Variants in LARP4 observed in about 807,000 individuals in gnomAD.
LARP4 encodes the protein la-related protein 4.
Under a neutral mutation model 92.9 loss-of-function variants are expected in LARP4, and 29 were observed. The ratio of observed to expected loss-of-function variants is 0.31; its 90% CI spans 0.23 to 0.43. LARP4 has a LOEUF of 0.43. Ranked by LOEUF, LARP4 falls within the 20% of genes least tolerant of loss-of-function variation. LARP4 has a pLI of 1.00. For missense variants in LARP4, 732 were observed against 860.0 expected, an observed-to-expected ratio of 0.85 and a Z score of 1.86; for synonymous variants, 279 against 284.1, an observed-to-expected ratio of 0.98 and a Z score of 0.18.
intron 10 of LARP4, among the ~76,000 whole-genome samples, chr12:50,455,901 G>T (rs558349836): frequency 2.6e-4 from 39 of 152,000 alleles, no homozygotes; most frequent in Non-Finnish European, 5.3e-4. Flanking sequence ...ACAAAAATTA[G>T]CTGGGCGTGG....
At chr12:50,440,596 T>C in intron 7 of LARP4, 47 bp downstream of exon 7, 1 of 1,211,952 alleles carries the variant, frequency 8.3e-7, no homozygotes, top group Non-Finnish European at 1.2e-6. Context: ...AGTGGCAAAA[T>C]AAGTAGTGGT....
intron 1 of LARP4, among the ~76,000 whole-genome samples, chr12:50,409,808 A>ATTT (rs555627639): frequency 4.0e-5 from 6 of 149,932 alleles, no homozygotes; most frequent in Non-Finnish European, 7.4e-5. Flanking sequence ...TATTATTATT[A>ATTT]TTTTTTTAAG....
intron 1 of LARP4, among the ~76,000 whole-genome samples, chr12:50,407,959 C>A (rs1365606249): frequency 1.3e-5 from 2 of 152,106 alleles, no homozygotes; most frequent in Non-Finnish European, 2.9e-5. Flanking sequence ...ACTCATCTTT[C>A]CTGTCTTACC....
At chr12:50,401,611 G>A (rs1213625034) in intron 1 of LARP4, among the ~76,000 whole-genome samples, 2 of 152,230 alleles carry the variant, frequency 1.3e-5, no homozygotes, top group South Asian at 2.1e-4. Flanking sequence ...GGAGAAGCCA[G>A]TAGGGTTTGG....
chr12:50,422,097 G>T (rs1293382999), intron 1 of LARP4, among the ~76,000 whole-genome samples: 1 of 151,816 alleles, frequency 6.6e-6, no homozygotes, highest in African/African-American at 2.4e-5. Flanking sequence ...AGCCTCCTGA[G>T]TAGCTGGGAC....
At chr12:50,467,225 T>C (rs959155377) in intron 13 of LARP4, 105 bp downstream of exon 13, 5 of 826,702 alleles carry the variant, frequency 6.0e-6, no homozygotes, top group Middle Eastern at 3.3e-4. Flanking sequence ...ATTTCTATCA[T>C]AGTTTTTATT....
rs1371975248 is a variant in LARP4 at position 50,460,717 on chromosome 12, T to C, written c.1122-418T>C. Among the ~76,000 whole-genome samples, 6 of 152,142 alleles carry C rather than the reference T, an allele frequency of 3.9e-5. No homozygotes were observed. In the East Asian group the frequency reaches 1.2e-3, roughly 30 times the overall value. ...GCACTTTGGGAGGCCAAGGCAGGCA[T>C]ATCACAAGGTCAGGAGATCGAGACC... On this transcript the variant is annotated intron_variant, in intron 10 of 15. Coordinates refer to ENST00000398473, the MANE Select transcript of LARP4 (RefSeq NM_052879.5).
intron 1 of LARP4, among the ~76,000 whole-genome samples, chr12:50,405,320 A>G (rs947900739): frequency 2.0e-5 from 3 of 152,124 alleles, no homozygotes; most frequent in South Asian, 2.1e-4. Context: ...TTTTACAACA[A>G]ATTGTTTGTA....
At chr12:50,447,858 T>TCC (rs146185573) in intron 8 of LARP4, among the ~76,000 whole-genome samples, 1 of 150,822 alleles carries the variant, frequency 6.6e-6, no homozygotes, top group South Asian at 2.1e-4. Flanking sequence ...TCCGCACCAC[T>TCC]CCCCCCCCAT....
chr12:50,468,089 C>T (rs1294905023), intron 13 of LARP4, among the ~76,000 whole-genome samples: 2 of 151,886 alleles, frequency 1.3e-5, no homozygotes, highest in South Asian at 2.1e-4. Flanking sequence ...AAGCAGTTCT[C>T]CTCCCTCAGC....
chr12:50,463,156 G>C lies in LARP4; in HGVS notation c.1383+526G>C, dbSNP rs529831120. Among the ~76,000 whole-genome samples, 606 of 151,786 alleles carry C rather than the reference G, an allele frequency of 4.0e-3. 3 individuals are homozygous for C. The highest frequency in any genetic ancestry group is 6.5e-3 in the Non-Finnish European group (444 of 67,934). ...GATCCTCCTCTCGAGTCGGGGTCTTGCGGGCCAGGCACCGTGGCTCGTGCC... is the reference window on the plus strand; with the variant it reads ...GATCCTCCTCTCGAGTCGGGGTCTTCCGGGCCAGGCACCGTGGCTCGTGCC... On this transcript the variant is annotated intron_variant, in intron 12 of 15. Coordinates refer to ENST00000398473, the MANE Select transcript of LARP4 (RefSeq NM_052879.5).
At chr12:50,441,715 CAG>C (rs1366320992) in intron 8 of LARP4, 72 bp downstream of exon 8, 2 of 1,169,100 alleles carry the variant, frequency 1.7e-6, no homozygotes, top group African/African-American at 3.1e-5. Context: ...AAAATACAGA[CAG>C]ATAATATTTT....
At chr12:50,474,815 A>G (rs181942756) in intron 15 of LARP4, among the ~76,000 whole-genome samples, 2 of 152,216 alleles carry the variant, frequency 1.3e-5, no homozygotes, top group African/African-American at 2.4e-5. Flanking sequence ...ATAAGTGGCC[A>G]TTGAGAGGCC....
chr12:50,417,860 AT>A (rs909516638), intron 1 of LARP4, among the ~76,000 whole-genome samples: 2 of 149,816 alleles, frequency 1.3e-5, no homozygotes, highest in African/African-American at 2.5e-5. Context: ...TGCCTGGCTC[AT>A]TTTTTTTTCT....
At chr12:50,402,850 T>C (rs1277461409) in intron 1 of LARP4, 3 of 452,052 alleles carry the variant, frequency 6.6e-6, no homozygotes, top group Middle Eastern at 3.3e-4. Context: ...GCCAAACTAG[T>C]GTTTAAAAGT....
At chr12:50,427,993 CTTTT>C (rs781256448) in intron 2 of LARP4, 84 bp downstream of exon 2, 595 of 305,242 alleles carry the variant, frequency 1.9e-3, no homozygotes, top group Middle Eastern at 4.2e-3. Context: ...AGACACATCT[CTTTT>C]TTTTTTTTTT....
chr12:50,476,554 T>TCA lies in LARP4; in HGVS notation c.*690_*691insCA, dbSNP rs1957546111. 1.3e-5 allele frequency: 2 copies of TCA among 152,700 alleles called. No individual in the cohort carries two copies. Among genetic ancestry groups the TCA allele is most frequent in the South Asian group, 4.1e-4 (2 of 4,826 alleles). 9.5% of individuals were successfully genotyped at this position (152,700 alleles called of 1,614,324 possible). A position where few individuals can be genotyped will look rare whatever the true frequency, so the allele number is the denominator to read the frequency against. On this transcript the variant is annotated 3_prime_UTR_variant, in exon 16 of 16. Transcript: ENST00000398473. ...ATTTAACAAGTTGTAAAACTCTGAT[T>TCA]GTACTTAGAGATGTGACTACCAATC...
At chr12:50,440,634 A>G in intron 7 of LARP4, 85 bp downstream of exon 7, 1 of 906,096 alleles carries the variant, frequency 1.1e-6, no homozygotes, top group Non-Finnish European at 1.8e-6. Context: ...ATGTGTGTTT[A>G]CACTGATGTT....
At chr12:50,432,119 T>C (rs182754828) in intron 4 of LARP4, among the ~76,000 whole-genome samples, 7 of 152,198 alleles carry the variant, frequency 4.6e-5, no homozygotes, top group Non-Finnish European at 1.5e-5. Context: ...CTGGGTGAAT[T>C]TTACCTACTA....
Sources: gnomAD v4.1 joint callset for allele counts (sites outside exome capture counted in the v4.1 genomes callset) on GRCh38, gnomAD v4.1.1 for gene constraint, MANE v1.5 for transcripts, NCBI Gene and HGNC (gene_info 2026-07-23, HGNC 2026-07-21) for gene names.